The following FAM217A variants were observed in gnomAD, a reference collection of about 807,000 sequenced individuals.
FAM217A encodes the protein protein FAM217A.
A neutral mutation model predicts 18.5 loss-of-function variants in FAM217A; 13 were observed. The observed-to-expected ratio is 0.70, with a 90% CI of 0.46 to 1.12. FAM217A has a LOEUF of 1.12. FAM217A is among the 50% of genes most tolerant of loss of function. The probability of loss-of-function intolerance (pLI) is 0.00; values close to 1 mark genes in which losing one functional copy is unlikely to be tolerated. For missense variants in FAM217A, 560 were observed against 575.4 expected, an observed-to-expected ratio of 0.97 and a Z score of 0.27; for synonymous variants, 161 against 202.8, an observed-to-expected ratio of 0.79 and a Z score of 1.75.
Position 4,074,670 on chromosome 6 carries a change from A to G in FAM217A, c.61-9T>C. 3 of 1,581,324 alleles carry G rather than the reference A, an allele frequency of 1.9e-6. No individual in the cohort carries two copies. The highest frequency in any genetic ancestry group is 4.5e-5 in the East Asian group (2 of 44,660). ...TTCCAGTGAGATAAGTTCTAAAACA[A>G]TATTTGTTTTAGGATAAACTTAACA... On this transcript the variant is annotated splice_polypyrimidine_tract_variant and intron_variant, in intron 2 of 6. Coordinates refer to ENST00000274673, the MANE Select transcript of FAM217A (RefSeq NM_173563.3).
At chr6:4,082,417 TC>T (rs1184334237), upstream of FAM217A, among the ~76,000 whole-genome samples, 2 of 152,182 alleles carry the variant, frequency 1.3e-5, no homozygotes, top group African/African-American at 4.8e-5. Flanking sequence ...CCAGTCTCCC[TC>T]CGAGGCTAGC....
At chr6:4,071,287 C>T (rs1004061958) in intron 6 of FAM217A, among the ~76,000 whole-genome samples, 2 of 152,086 alleles carry the variant, frequency 1.3e-5, no homozygotes, top group African/African-American at 4.8e-5. Flanking sequence ...ACTAAGTTAT[C>T]GTTACTTTTA....
chr6:4,076,868 G>A lies in FAM217A; in HGVS notation c.60+487C>T, dbSNP rs368321911. On this transcript the variant is annotated intron_variant, in intron 2 of 6. Transcript: ENST00000274673. ...GGGAGACAGAGGAAGACTAAGTCTCGTCTCCAAAACAAACAAACAAAAAAC... is the reference window on the plus strand; with the variant it reads ...GGGAGACAGAGGAAGACTAAGTCTCATCTCCAAAACAAACAAACAAAAAAC... Among the ~76,000 whole-genome samples, 16 of 152,142 alleles carry A rather than the reference G, an allele frequency of 1.1e-4. No individual in the cohort carries two copies. The South Asian group carries it at 1.2e-3, about 12-fold the overall frequency.
intron 6 of FAM217A, among the ~76,000 whole-genome samples, chr6:4,071,894 G>A (rs2745454): frequency 0.85 from 129,621 of 152,110 alleles, 56,226 homozygotes; most frequent in East Asian, 1. Context: ...AAAGAGCCAT[G>A]GAACTCAGGA....
At position 4,068,953 on chromosome 6, in the gene FAM217A, T is replaced by C. The variant is rs199724850; in HGVS notation, c.1270A>G (p.Asn424Asp). Residue 424 changes from asparagine to aspartate, a missense_variant, in exon 7 of 7, where the codon AAT becomes GAT. By Grantham distance (23) the Asn-to-Asp change is conservative. Coordinates refer to ENST00000274673, the MANE Select transcript of FAM217A (RefSeq NM_173563.3). ...LSFKPTIGHT[N>D]QSMVKMVSTR... ...GAGACCATTTTAACCATTGATTGAT[T>C]TGTATGGCCAATAGTAGGTTTGAAT... 6.8e-6 allele frequency: 11 copies of C among 1,614,160 alleles called. 1 individual carries two copies. In the Admixed American group the frequency reaches 1.0e-4, roughly 15 times the overall value.
chr6:4,070,027 C>T (rs1769300844), intron 6 of FAM217A, 107 bp from the exon 7 acceptor site: 5 of 813,914 alleles, frequency 6.1e-6, no homozygotes, highest in Non-Finnish European at 7.4e-6. Flanking sequence ...ATGTTTAGTT[C>T]CCAATGGCAT....
intron 2 of FAM217A, among the ~76,000 whole-genome samples, chr6:4,075,430 A>G (rs76195009): frequency 0.029 from 4,472 of 152,278 alleles, 206 homozygotes; most frequent in African/African-American, 0.1. Flanking sequence ...ATTATATTCA[A>G]CACTAACCAG....
chr6:4,077,771 C>T (rs953170751), intron 1 of FAM217A, among the ~76,000 whole-genome samples: 1 of 152,138 alleles, frequency 6.6e-6, no homozygotes, highest in Non-Finnish European at 1.5e-5. Flanking sequence ...TTATCTGGAA[C>T]TTAGAAAACA....
upstream of FAM217A, among the ~76,000 whole-genome samples, chr6:4,084,075 T>G (rs374531103): frequency 3.9e-5 from 6 of 152,372 alleles, no homozygotes; most frequent in East Asian, 1.2e-3. Context: ...CAGTAGTGGC[T>G]AATTTATCCT....
At position 4,076,313 on chromosome 6, in the gene FAM217A, A is replaced by G. The variant is rs1433953634; in HGVS notation, c.60+1042T>C. Among the ~76,000 whole-genome samples the G allele has an allele frequency of 1.0e-4, 15 of 147,700 alleles. No homozygotes were observed. In the Admixed American group the frequency reaches 1.0e-3, roughly 10 times the overall value. On this transcript the variant is annotated intron_variant, in intron 2 of 6. Transcript: ENST00000274673. The stretch of plus-strand genomic sequence containing the variant: ...CACTGCACTCCACCCTGGGTGACAG[A>G]GTGAGACTCCGTCTCAAAAAAAAAG...
intron 6 of FAM217A, among the ~76,000 whole-genome samples, chr6:4,070,502 G>A (rs1303619139): frequency 6.6e-6 from 1 of 152,022 alleles, no homozygotes; most frequent in African/African-American, 2.4e-5. Flanking sequence ...TCTATTTTAG[G>A]AGTAATTCTA....
chr6:4,076,766 G>A (rs1252208508), intron 2 of FAM217A, among the ~76,000 whole-genome samples: 1 of 152,188 alleles, frequency 6.6e-6, no homozygotes, highest in African/African-American at 2.4e-5. Context: ...TACTCGGGAG[G>A]CTGAGGCAGG....
At chr6:4,074,130 G>A (rs922413143) in intron 4 of FAM217A, among the ~76,000 whole-genome samples, 3 of 152,112 alleles carry the variant, frequency 2.0e-5, no homozygotes, top group African/African-American at 7.2e-5. Flanking sequence ...GGGATTACAG[G>A]CATGAGCCAC....
chr6:4,078,835 C>A lies in FAM217A; in HGVS notation c.-35+17G>T. On this transcript the variant is annotated intron_variant, in intron 1 of 6. Transcript: ENST00000274673. ...AGGGGGCTGCGGGATTCCCCGGGGC[C>A]GGGGCTCTCAACCCACCGCGCGAAG... 1 of 452,706 alleles carries A rather than the reference C, an allele frequency of 2.2e-6. No individual in the cohort carries two copies. Among genetic ancestry groups the A allele is most frequent in the Non-Finnish European group, 3.9e-6 (1 of 253,426 alleles). 28.0% of individuals were successfully genotyped at this position (452,706 alleles called of 1,614,324 possible).
chr6:4,082,765 A>C (rs948563134), upstream of FAM217A, among the ~76,000 whole-genome samples: 3 of 152,022 alleles, frequency 2.0e-5, no homozygotes, highest in Non-Finnish European at 4.4e-5. Context: ...AAAAATGGAA[A>C]CTCTCCCCTG....
rs1252285756 is a variant in FAM217A, at chr6:4,078,992, C to G, written c.-175G>C. On this transcript the variant is annotated 5_prime_UTR_variant, in exon 1 of 7. Coordinates refer to ENST00000274673, the MANE Select transcript of FAM217A (RefSeq NM_173563.3). Reference sequence around the variant, plus strand: ...TCCTGCAGCGGGGGGACAAAGAGGGCGGCGGGCGGCTGGCGGCCTTGAGCG... The same window carrying G: ...TCCTGCAGCGGGGGGACAAAGAGGGGGGCGGGCGGCTGGCGGCCTTGAGCG... The G allele has an allele frequency of 4.1e-6, 2 of 482,056 alleles. No homozygotes were observed. The highest frequency in any genetic ancestry group is 7.3e-6 in the Non-Finnish European group (2 of 273,592). The allele number at this position is 482,056 out of a possible 1,614,324, so 29.9% of individuals were successfully genotyped here.
In FAM217A at chr6:4,068,805, T is replaced by C; in HGVS notation, c.1418A>G (p.Tyr473Cys). 6.2e-7 allele frequency: 1 copy of C among 1,614,208 alleles called. No homozygotes were observed. The highest frequency in any genetic ancestry group is 8.5e-7 in the Non-Finnish European group (1 of 1,180,014). The change falls in exon 7 of 7, where the codon TAC becomes TGC. Residue 473 changes from tyrosine (Y) to cysteine (C), a missense_variant. Coordinates refer to ENST00000274673, the MANE Select transcript of FAM217A (RefSeq NM_173563.3). ...KRNFGTKKKL[Y>C]RQNIVLNRPF... ...TCTATTCAACACTATATTTTGTCGG[T>C]AAAGTTTCTTTTTGGTCCCAAAGTT... is the stretch of plus-strand genomic sequence containing the variant.
chr6:4,086,475 A>C (rs1770671904), intron 1 of FAM217A, among the ~76,000 whole-genome samples: 1 of 148,966 alleles, frequency 6.7e-6, no homozygotes, highest in Non-Finnish European at 1.5e-5. Flanking sequence ...AAAAAAATCC[A>C]TCTATCTATA....
chr6:4,082,346 C>T (rs954694164), upstream of FAM217A, among the ~76,000 whole-genome samples: 5 of 152,270 alleles, frequency 3.3e-5, no homozygotes, highest in African/African-American at 1.2e-4. Flanking sequence ...ATGAAGGCTT[C>T]GGAAATAGCC....
Sources: allele counts gnomAD v4.1 joint callset (sites outside exome capture counted in the v4.1 genomes callset), GRCh38; gene constraint gnomAD v4.1.1; transcripts MANE v1.5; gene names NCBI Gene and HGNC (gene_info 2026-07-23, HGNC 2026-07-21).